Variants in GBP7 observed in about 807,000 individuals in gnomAD.
GBP7 encodes guanylate-binding protein 7.
In GBP7, 43 loss-of-function variants were observed where a neutral mutation model predicts 61.3. That is an observed-to-expected ratio of 0.70 (90% CI 0.55 to 0.91). The LOEUF is 0.91. Ranked by LOEUF, GBP7 falls within the 40% of genes least tolerant of loss-of-function variation. The pLI is 0.00. For missense variants in GBP7, 717 were observed against 740.5 expected (o/e 0.97, Z 0.37); for synonymous variants, 267 against 271.0 (o/e 0.99, Z 0.14).
intron 3 of GBP7, among the ~76,000 whole-genome samples, chr1:89,161,624 T>C (rs1282723088): frequency 6.6e-6 from 1 of 151,510 alleles, no homozygotes; most frequent in Admixed American, 6.6e-5. Context: ...TAATGTATTT[T>C]TTTGTGTGTG....
chr1:89,149,140 TA>T, intron 7 of GBP7, 151 bp downstream of exon 7: 1 of 566,712 alleles, frequency 1.8e-6, no homozygotes, highest in Non-Finnish European at 2.8e-6. Context: ...TTTAGAAAAA[TA>T]AAAAACTGTA....
intron 2 of GBP7, among the ~76,000 whole-genome samples, chr1:89,166,285 A>G: frequency 6.6e-6 from 1 of 152,192 alleles, no homozygotes; most frequent in South Asian, 2.1e-4. Context: ...CGTTAACAGA[A>G]GGTTATCCAA....
Position 89,133,884 on chromosome 1 carries a change from A to G in GBP7, c.1469-433T>C, listed in dbSNP as rs547593041. On this transcript the variant is annotated intron_variant, in intron 9 of 10. Transcript: ENST00000294671. ...GGACTCTGGCCAGTGTGGAGCCTAG[A>G]TATTTGGCACAGGAATGGCTGCAGT... Among the ~76,000 whole-genome samples, 31 of 152,280 alleles carry G rather than the reference A, an allele frequency of 2.0e-4. No individual in the cohort carries two copies. In the South Asian group the frequency reaches 6.4e-3, roughly 32 times the overall value.
At chr1:89,152,939 T>A (rs928361401) in intron 3 of GBP7, among the ~76,000 whole-genome samples, 162 bp from the exon 4 acceptor site, 1 of 152,240 alleles carries the variant, frequency 6.6e-6, no homozygotes, top group African/African-American at 2.4e-5. Flanking sequence ...CTTGCCAGCA[T>A]GATTCAGTGA....
chr1:89,160,176 A>C (rs1241851717), intron 3 of GBP7, among the ~76,000 whole-genome samples: 1 of 152,184 alleles, frequency 6.6e-6, no homozygotes, highest in Non-Finnish European at 1.5e-5. Flanking sequence ...TCACTTGGAC[A>C]CAGGGTGAGG....
At chr1:89,164,598 T>C in intron 3 of GBP7, 133 bp downstream of exon 3, 1 of 885,502 alleles carries the variant, frequency 1.1e-6, no homozygotes, top group African/African-American at 1.7e-5. Flanking sequence ...TTCCAGAAAA[T>C]GAAATTTAGC....
At chr1:89,138,398 T>A (rs1282908699) in intron 9 of GBP7, among the ~76,000 whole-genome samples, 1 of 152,036 alleles carries the variant, frequency 6.6e-6, no homozygotes, top group Non-Finnish European at 1.5e-5. Context: ...AGACATCACA[T>A]GACTTGAGTT....
At chr1:89,143,965 A>T (rs1411554820) in intron 8 of GBP7, among the ~76,000 whole-genome samples, 1 of 152,322 alleles carries the variant, frequency 6.6e-6, no homozygotes, top group East Asian at 1.9e-4. Flanking sequence ...GCTTCAGTCA[A>T]AACAGTCACC....
rs776600889 is a variant in GBP7, at chr1:89,133,404, T to A, written c.1516A>T (p.Arg506Ter). 3 of 1,614,152 alleles carry A rather than the reference T, an allele frequency of 1.9e-6. No homozygotes were observed. The highest frequency in any genetic ancestry group is 2.5e-6 in the Non-Finnish European group (3 of 1,180,010). Residue 506 changes from arginine (R) to a stop codon, truncating the protein, a stop_gained, in exon 10 of 11, where the codon AGA becomes TGA. Transcript: ENST00000294671. LOFTEE classifies it high-confidence loss of function. ...EAAEKEQELL[R>*]QKQKEQQQMM... ...TGCTGCTGTTCCTTCTGTTTTTGTC[T>A]TAGCAGCTCCTGTTCCTTTTCAGCT...
chr1:89,132,239 A>T lies in GBP7; in HGVS notation c.1827T>A (p.Pro609=), dbSNP rs145228082. The change falls in exon 11 of 11, where the codon CCT becomes CCA. Residue 609 remains proline, a synonymous_variant. Coordinates refer to ENST00000294671, the MANE Select transcript of GBP7 (RefSeq NM_207398.3). The part of the protein sequence containing the change: ...VAGSIFIAAL[P]GAAKLVDLGM... ...CTAAATCAACTAGCTTAGCAGCCCC[A>T]GGTAGTGCTGCAATAAATATACTGC... 5.3e-5 allele frequency: 85 copies of T among 1,613,784 alleles called. No homozygotes were observed. The highest frequency in any genetic ancestry group is 6.5e-5 in the Non-Finnish European group (77 of 1,179,824).
intron 9 of GBP7, among the ~76,000 whole-genome samples, chr1:89,140,449 TA>T (rs1334408383): frequency 4.1e-5 from 3 of 73,554 alleles, no homozygotes; most frequent in Non-Finnish European, 8.2e-5. Context: ...ATAATAATAA[TA>T]AAAAAAACTG....
At position 89,152,261 on chromosome 1, in the gene GBP7, C is replaced by T. The variant is rs771178325; in HGVS notation, c.625+7G>A. The T allele has an allele frequency of 1.4e-5, 23 of 1,612,964 alleles. No homozygotes were observed. In the East Asian group the frequency reaches 3.6e-4, roughly 25 times the overall value. Reference sequence around the variant, plus strand: ...AACCTTCTCCCATCTAGGCCATGCTCTGATACCTGAAATCAGCTTCAAGGC... The same window carrying T: ...AACCTTCTCCCATCTAGGCCATGCTTTGATACCTGAAATCAGCTTCAAGGC... On this transcript the variant is annotated splice_region_variant and intron_variant, in intron 5 of 10. Coordinates refer to ENST00000294671, the MANE Select transcript of GBP7 (RefSeq NM_207398.3).
chr1:89,172,699 CA>C (rs1459192082), intron 1 of GBP7, among the ~76,000 whole-genome samples: 23 of 151,984 alleles, frequency 1.5e-4, no homozygotes, highest in Admixed American at 1.0e-3. Context: ...GCCACTTTGT[CA>C]CTAAAAAGTT....
In GBP7 at chr1:89,152,353, A is replaced by C; in HGVS notation, c.540T>G (p.Val180=). Residue 180 remains valine (V), a synonymous_variant, in exon 5 of 11, where the codon GTT becomes GTG. Coordinates refer to ENST00000294671, the MANE Select transcript of GBP7 (RefSeq NM_207398.3). ...VSFFPDFIWT[V]RDFTLELKLD... Reference sequence around the variant, plus strand: ...ACTTCAGCTCCAGGGTAAAATCTCGAACAGTCCAAATAAAGTCTGGAAAGA... The same window carrying C: ...ACTTCAGCTCCAGGGTAAAATCTCGCACAGTCCAAATAAAGTCTGGAAAGA... 6.2e-7 allele frequency: 1 copy of C among 1,614,130 alleles called. No homozygotes were observed. The highest frequency in any genetic ancestry group is 1.3e-5 in the African/African-American group (1 of 75,014).
At chr1:89,170,577 C>T (rs1253760249) in intron 2 of GBP7, among the ~76,000 whole-genome samples, 1 of 152,152 alleles carries the variant, frequency 6.6e-6, no homozygotes, top group Non-Finnish European at 1.5e-5. Context: ...CATCCAAGCA[C>T]TAGGGAACAC....
intron 5 of GBP7, among the ~76,000 whole-genome samples, chr1:89,150,778 A>G (rs571210262): frequency 6.6e-6 from 1 of 152,326 alleles, no homozygotes; most frequent in Admixed American, 6.5e-5. Flanking sequence ...AGCAGAGTCA[A>G]AAAGGTACTT....
chr1:89,150,575 C>T lies in GBP7; in HGVS notation c.626G>A (p.Gly209Asp), dbSNP rs1682171839. ...YLENALKLIS[G>D]KNPQIQNSNK... ...AGAATTTTGGATTTGGGGATTCTTG[C>T]CTGCAGAATTAGTGAAAAAGTGACT... is the stretch of plus-strand genomic sequence containing the variant. Residue 209 changes from glycine (G) to aspartate (D), a missense_variant and splice_region_variant, in exon 6 of 11, where the codon GGC becomes GAC. By Grantham distance (94) the Gly-to-Asp change is moderately conservative (BLOSUM62 -1). This residue lies in a region of GBP7 where 387 missense variants were observed against 385.2 expected (regional missense o/e 1.00). Coordinates refer to ENST00000294671, the MANE Select transcript of GBP7 (RefSeq NM_207398.3). 1 of 1,613,068 alleles carries T rather than the reference C, an allele frequency of 6.2e-7. No individual in the cohort carries two copies. Among genetic ancestry groups the T allele is most frequent in the Non-Finnish European group, 8.5e-7 (1 of 1,179,366 alleles).
At chr1:89,163,152 G>A (rs1195947947) in intron 3 of GBP7, among the ~76,000 whole-genome samples, 1 of 152,068 alleles carries the variant, frequency 6.6e-6, no homozygotes, top group Non-Finnish European at 1.5e-5. Flanking sequence ...TGTGTTGCTG[G>A]ATTTAGTTTG....
intron 2 of GBP7, among the ~76,000 whole-genome samples, chr1:89,167,429 TTTTGTTTG>T (rs58177839): frequency 3.3e-5 from 5 of 152,250 alleles, no homozygotes; most frequent in Admixed American, 3.3e-4. Context: ...CTCTGTGTTT[TTTTGTTTG>T]TTTGTTTGTT....
Sources: gnomAD v4.1 joint callset for allele counts (sites outside exome capture counted in the v4.1 genomes callset) on GRCh38, gnomAD v4.1.1 for gene constraint, gnomAD v4.1.1 regional missense constraint, MANE v1.5 for transcripts, NCBI Gene and HGNC (gene_info 2026-07-23, HGNC 2026-07-21) for gene names.